The following CCDC192 variants were observed in gnomAD, a reference collection of about 807,000 sequenced individuals.
CCDC192 encodes the protein coiled-coil domain containing 192.
intron 6 of CCDC192, among the ~76,000 whole-genome samples, chr5:127,904,221 C>G (rs1753136042): frequency 1.3e-5 from 2 of 152,174 alleles, no homozygotes; most frequent in Non-Finnish European, 2.9e-5. Context: ...GAAACAGATT[C>G]TATCCTAAAG....
At chr5:127,922,720 C>T (rs1021170560) in intron 6 of CCDC192, among the ~76,000 whole-genome samples, 3 of 152,206 alleles carry the variant, frequency 2.0e-5, no homozygotes, top group Non-Finnish European at 4.4e-5. Flanking sequence ...TGCACTCCAG[C>T]CTGGGCAATA....
intron 3 of CCDC192, among the ~76,000 whole-genome samples, chr5:127,789,183 T>C (rs1756729758): frequency 6.6e-6 from 1 of 152,240 alleles, no homozygotes; most frequent in Admixed American, 6.5e-5. Flanking sequence ...AGAAGTGGGA[T>C]GCTACTGTAA....
At chr5:127,880,345 C>T (rs1209462362) in intron 6 of CCDC192, among the ~76,000 whole-genome samples, 1 of 151,186 alleles carries the variant, frequency 6.6e-6, no homozygotes, top group Non-Finnish European at 1.5e-5. Flanking sequence ...AGTAAACTAT[C>T]CCAAGAACAA....
intron 6 of CCDC192, among the ~76,000 whole-genome samples, chr5:127,939,110 CTT>C (rs59545987): frequency 1.9e-4 from 16 of 83,644 alleles, no homozygotes; most frequent in African/African-American, 3.9e-4. Context: ...AAACCAACAT[CTT>C]TTTTTTTTTT....
intron 5 of CCDC192, among the ~76,000 whole-genome samples, chr5:127,850,214 G>C (rs766041987): frequency 2.6e-5 from 4 of 152,108 alleles, no homozygotes; most frequent in Non-Finnish European, 5.9e-5. Flanking sequence ...ATTTGGACAA[G>C]GGCACCCAGC....
At chr5:127,910,851 G>A (rs925558728) in intron 6 of CCDC192, among the ~76,000 whole-genome samples, 1 of 152,160 alleles carries the variant, frequency 6.6e-6, no homozygotes, top group Non-Finnish European at 1.5e-5. Context: ...CTGTGAGAGA[G>A]AAGCATATTT....
chr5:127,824,748 C>T lies in CCDC192; in HGVS notation c.411+26586C>T, dbSNP rs116883748. ...TGTGTAGGATGTAGGATCACCTCAGCGTGCCTTGCCTTCTCTCCTCAGGCT... is the reference window on the plus strand; with the variant it reads ...TGTGTAGGATGTAGGATCACCTCAGTGTGCCTTGCCTTCTCTCCTCAGGCT... On this transcript the variant is annotated intron_variant, in intron 5 of 6. Coordinates refer to ENST00000514853, the MANE Select transcript of CCDC192 (RefSeq NM_001317938.2). 1.3e-3 allele frequency among the ~76,000 whole-genome samples: 195 copies of T among 152,226 alleles called. 4 individuals are homozygous for T. The East Asian group carries it at 0.024, about 19-fold the overall frequency.
At chr5:127,870,433 A>G (rs1251543940) in intron 5 of CCDC192, among the ~76,000 whole-genome samples, 1 of 152,240 alleles carries the variant, frequency 6.6e-6, no homozygotes, top group Non-Finnish European at 1.5e-5. Flanking sequence ...TAATGGTGCT[A>G]TTGCTTAGTG....
intron 6 of CCDC192, among the ~76,000 whole-genome samples, chr5:127,919,093 G>A (rs879497415): frequency 1.3e-5 from 2 of 151,626 alleles, no homozygotes; most frequent in African/African-American, 2.4e-5. Flanking sequence ...GTGTGTGTGT[G>A]TGTGTGTGTG....
At chr5:127,718,510 A>G (rs1580524383) in intron 2 of CCDC192, among the ~76,000 whole-genome samples, 1 of 152,234 alleles carries the variant, frequency 6.6e-6, no homozygotes, top group East Asian at 1.9e-4. Context: ...GTGCTGGCAC[A>G]TTTTATTCTC....
chr5:127,704,807 C>T (rs180956950), intron 1 of CCDC192, among the ~76,000 whole-genome samples: 1 of 151,680 alleles, frequency 6.6e-6, no homozygotes, highest in Admixed American at 6.6e-5. Context: ...ACACTGCACT[C>T]CAGCCTGGGC....
Position 127,768,266 on chromosome 5 carries a change from T to TA in CCDC192, c.222+13901dup, listed in dbSNP as rs562148722. 2.7e-3 allele frequency among the ~76,000 whole-genome samples: 394 copies of TA among 148,230 alleles called. 1 individual carries two copies. Among genetic ancestry groups the TA allele is most frequent in the Non-Finnish European group, 4.1e-3 (275 of 66,714 alleles). The stretch of plus-strand genomic sequence containing the variant: ...GACTCCATCTCAAAAAATAAAAAAG[T>TA]AAAAAAAAAATAAGGTCATACTGGA... On this transcript the variant is annotated intron_variant, in intron 3 of 6. Transcript: ENST00000514853.
chr5:127,759,886 C>G (rs1019625077), intron 3 of CCDC192, among the ~76,000 whole-genome samples: 2 of 152,054 alleles, frequency 1.3e-5, no homozygotes. Context: ...GTTCTTTAAC[C>G]TTGTCTTTCC....
chr5:127,754,515 T>G, intron 3 of CCDC192, 140 bp downstream of exon 3: 1 of 355,188 alleles, frequency 2.8e-6, no homozygotes, highest in Middle Eastern at 7.2e-4. Context: ...ACACACACAT[T>G]GCAGTATGCC....
intron 6 of CCDC192, among the ~76,000 whole-genome samples, chr5:127,886,002 C>T (rs1036722841): frequency 1.3e-5 from 2 of 152,086 alleles, no homozygotes; most frequent in African/African-American, 4.8e-5. Context: ...TCCTTAGTTG[C>T]CTCGTATGCA....
At chr5:127,904,408 A>G (rs1015307138) in intron 6 of CCDC192, among the ~76,000 whole-genome samples, 6 of 152,078 alleles carry the variant, frequency 3.9e-5, no homozygotes, top group Admixed American at 2.6e-4. Flanking sequence ...CTGCACCTTC[A>G]TACATTCTGT....
At chr5:127,823,204 G>A (rs145340271) in intron 5 of CCDC192, among the ~76,000 whole-genome samples, 1 of 152,302 alleles carries the variant, frequency 6.6e-6, no homozygotes, top group East Asian at 1.9e-4. Flanking sequence ...TTGTACAGGT[G>A]TCTCTCCCAC....
chr5:127,891,363 C>T (rs1334817938), intron 6 of CCDC192, among the ~76,000 whole-genome samples: 3 of 152,142 alleles, frequency 2.0e-5, no homozygotes, highest in African/African-American at 7.2e-5. Flanking sequence ...CGAAAATGAC[C>T]TTACTTATGA....
intron 4 of CCDC192, among the ~76,000 whole-genome samples, chr5:127,797,760 TATATATATATATATA>T (rs565710284): frequency 0.033 from 837 of 25,482 alleles, 15 homozygotes; most frequent in African/African-American, 0.055. Flanking sequence ...TATATATATA[TATATATATATATATA>T]TATTTATTTA....
Sources: gnomAD v4.1 joint callset for allele counts (sites outside exome capture counted in the v4.1 genomes callset) on GRCh38, gnomAD v4.1.1 for gene constraint, MANE v1.5 for transcripts, NCBI Gene and HGNC (gene_info 2026-07-23, HGNC 2026-07-21) for gene names.